The following NONO variants were observed in gnomAD, a reference collection of about 807,000 sequenced individuals.
NONO encodes the protein non-POU domain-containing octamer-binding protein.
In NONO, 6 loss-of-function variants were observed where a neutral mutation model predicts 40.2. The ratio of observed to expected loss-of-function variants is 0.15; its 90% confidence interval spans 0.08 to 0.29. NONO has a LOEUF of 0.29. Ranked by LOEUF, NONO falls within the 10% of genes least tolerant of loss-of-function variation. The probability of loss-of-function intolerance (pLI) is 1.00; values close to 1 mark genes in which losing one functional copy is unlikely to be tolerated. For missense variants in NONO, 133 were observed against 397.8 expected, an observed-to-expected ratio of 0.33 and a Z score of 5.66; for synonymous variants, 89 against 123.3, an observed-to-expected ratio of 0.72 and a Z score of 1.85.
In NONO at chrX:71,294,336, G is replaced by A. The variant is rs1477854068; in HGVS notation, c.458G>A (p.Arg153Gln). The part of the protein sequence containing the change: ...FACHSASLTV[R>Q]NLPQYVSNEL... ...TGCCATAGTGCATCCCTTACAGTTC[G>A]AAACCTTCCTCAGTATGTGTCCAAC... is the stretch of plus-strand genomic sequence containing the variant. Residue 153 changes from arginine (R) to glutamine (Q), a missense_variant, in exon 5 of 12, where the codon CGA becomes CAA. By Grantham distance (43) the Arg-to-Gln change is conservative. This residue lies in a region of NONO where 32 missense variants were observed against 206.0 expected (regional missense o/e 0.16). Transcript: ENST00000276079. 2 of 1,211,995 alleles carry A rather than the reference G, an allele frequency of 1.7e-6. No homozygotes were observed. Among genetic ancestry groups the A allele is most frequent in the East Asian group, 3.0e-5 (1 of 33,835 alleles).
rs776530967 is a variant in NONO, at chrX:71,300,011, C to T, written c.1351C>T (p.Pro451Ser). ...AGGAATTGGGGCAATTGGTGGAACT[C>T]CTCCTGCATTCAACCGTGCAGCTCC... Reference protein sequence around the residue: ...MEGIGAIGGTPPAFNRAAPGA... With the variant: ...MEGIGAIGGTSPAFNRAAPGA... The change falls in exon 12 of 12, where the codon CCT becomes TCT. Residue 451 changes from proline (P) to serine (S), a missense_variant. Physicochemically the swap from Pro to Ser is moderately conservative, Grantham distance 74. Around this residue, in one of 3 missense-constraint regions of NONO, gnomAD observed 73 missense variants for 162.2 expected, o/e 0.45. Transcript: ENST00000276079. 10 of 1,211,296 alleles carry T rather than the reference C, an allele frequency of 8.3e-6. No homozygotes were observed. The highest frequency in any genetic ancestry group is 2.2e-5 in the Admixed American group (1 of 45,966).
chrX:71,294,085 G>C (rs28540733), intron 4 of NONO, 142 bp from the exon 5 acceptor site: 2 of 618,329 alleles, frequency 3.2e-6, no homozygotes, highest in Non-Finnish European at 4.9e-6. Flanking sequence ...GAAGCACACA[G>C]TTAAGTTCTT....
chrX:71,289,196 G>T (rs1175751030), intron 2 of NONO, among the ~76,000 whole-genome samples: 1 of 112,317 alleles, frequency 8.9e-6, no homozygotes, highest in East Asian at 2.7e-4. Context: ...AGTGCAAACA[G>T]TTCTCATCCA....
At chrX:71,287,976 A>C (rs1412153454) in intron 2 of NONO, among the ~76,000 whole-genome samples, 2 of 86,658 alleles carry the variant, frequency 2.3e-5, no homozygotes, top group Non-Finnish European at 4.4e-5. Flanking sequence ...CAAAGTGCTG[A>C]GATTACAGGC....
At position 71,290,617 on chromosome X, in the gene NONO, T is replaced by C. The variant is rs776273973; in HGVS notation, c.-9-12T>C. ...TACTGAATTTATTTATTAGTCTACT[T>C]TTTCTTTGTAGGGTGCAAAAATGCA... On this transcript the variant is annotated splice_polypyrimidine_tract_variant and intron_variant, in intron 2 of 11. Transcript: ENST00000276079. 8.3e-7 allele frequency: 1 copy of C among 1,199,880 alleles called. No homozygotes were observed. The highest frequency in any genetic ancestry group is 1.1e-6 in the Non-Finnish European group (1 of 886,784).
chrX:71,291,721 G>A, intron 3 of NONO, 58 bp from the exon 4 acceptor site: 1 of 897,305 alleles, frequency 1.1e-6, no homozygotes, highest in East Asian at 3.3e-5. Context: ...AGGTCTTTGA[G>A]GATACGACTA....
chrX:71,298,317 T>C (rs1389102942), intron 9 of NONO, 152 bp from the exon 10 acceptor site: 1 of 526,561 alleles, frequency 1.9e-6, no homozygotes, highest in Non-Finnish European at 3.4e-6. Flanking sequence ...TTGAATTTGT[T>C]GCACAACTAG....
chrX:71,293,605 T>G (rs1035459231), intron 4 of NONO, among the ~76,000 whole-genome samples: 7 of 109,242 alleles, frequency 6.4e-5, no homozygotes, highest in African/African-American at 2.3e-4. Flanking sequence ...TAAAATATTC[T>G]AGGTGGTTTT....
intron 11 of NONO, among the ~76,000 whole-genome samples, chrX:71,299,173 C>T (rs1246041512): frequency 2.7e-5 from 3 of 111,963 alleles, no homozygotes; most frequent in African/African-American, 6.5e-5. Flanking sequence ...CCACCAGCCT[C>T]GGCCTCCCAA....
chrX:71,297,698 A>AGGTTTCTTTGG (rs2031483407), intron 8 of NONO, 138 bp from the exon 9 acceptor site: 2 of 520,701 alleles, frequency 3.8e-6, no homozygotes, highest in Non-Finnish European at 6.3e-6. Context: ...GGGTTGCCTC[A>AGGTTTCTTTGG]GGGCTGGGCA....
intron 3 of NONO, among the ~76,000 whole-genome samples, chrX:71,291,294 C>T (rs778434793): frequency 4.5e-4 from 50 of 111,969 alleles, no homozygotes; most frequent in Admixed American, 7.6e-4. Flanking sequence ...TAAAGAGTTG[C>T]TCTTTCCTAA....
In NONO at chrX:71,292,086, GC is replaced by G. The variant is rs2031338468; in HGVS notation, c.348+115del. On this transcript the variant is annotated intron_variant, in intron 4 of 11. Coordinates refer to ENST00000276079, the MANE Select transcript of NONO (RefSeq NM_007363.5). Reference sequence around the variant, plus strand: ...TTCTCAGATGATGTGTTCCTTGAAAGCTTGATGAAACAGAACCACAAAAATG... The same window carrying G: ...TTCTCAGATGATGTGTTCCTTGAAAGTTGATGAAACAGAACCACAAAAATG... 3.0e-5 allele frequency: 15 copies of G among 503,652 alleles called. No homozygotes were observed. In the East Asian group the frequency reaches 5.8e-4, roughly 19 times the overall value. 41.5% of individuals were successfully genotyped at this position (503,652 alleles called of 1,213,427 possible).
intron 3 of NONO, among the ~76,000 whole-genome samples, chrX:71,291,569 C>T (rs1213333757): frequency 1.8e-5 from 2 of 111,517 alleles, no homozygotes; most frequent in South Asian, 3.7e-4. Flanking sequence ...GCTTCTGGCC[C>T]GTCGTAGAGC....
Position 71,301,070 on chromosome X carries a change from GTGTAC to G in NONO, c.*998_*1002del, listed in dbSNP as rs898980611. The G allele has an allele frequency of 2.1e-5, 3 of 145,907 alleles. No individual in the cohort carries two copies. Among genetic ancestry groups the G allele is most frequent in the Non-Finnish European group, 4.1e-5 (3 of 73,869 alleles). The allele number at this position is 145,907 out of a possible 1,213,427, so 12.0% of individuals were successfully genotyped here. A position where few individuals can be genotyped will look rare whatever the true frequency, so the allele number is the denominator to read the frequency against. On this transcript the variant is annotated 3_prime_UTR_variant, in exon 12 of 12. Coordinates refer to ENST00000276079, the MANE Select transcript of NONO (RefSeq NM_007363.5). ...ATGCTGTGCATTTTTTTTTTCATTGGTGTACTGTGTTTGATTTGTCTCATATATTT... is the reference window on the plus strand; with the variant it reads ...ATGCTGTGCATTTTTTTTTTCATTGGTGTGTTTGATTTGTCTCATATATTT...
chrX:71,290,578 G>C (rs2031302194), intron 2 of NONO, 51 bp from the exon 3 acceptor site: 2 of 1,053,167 alleles, frequency 1.9e-6, no homozygotes, highest in South Asian at 3.9e-5. Flanking sequence ...GAAGGTGGCT[G>C]ATTGTGTTAT....
Position 71,301,054 on chromosome X carries a change from A to ATT in NONO, c.*987_*988dup. 1 of 139,566 alleles carries ATT rather than the reference A, an allele frequency of 7.2e-6. No homozygotes were observed. The highest frequency in any genetic ancestry group is 1.4e-5 in the Non-Finnish European group (1 of 71,049). 11.5% of individuals were successfully genotyped at this position (139,566 alleles called of 1,213,427 possible). On this transcript the variant is annotated 3_prime_UTR_variant, in exon 12 of 12. Coordinates refer to ENST00000276079, the MANE Select transcript of NONO (RefSeq NM_007363.5). ...CCTATCTTAGGTAGTCATGCTGTGC[A>ATT]TTTTTTTTTTCATTGGTGTACTGTG...
chrX:71,290,535 A>C, intron 2 of NONO, 94 bp from the exon 3 acceptor site: 1 of 680,203 alleles, frequency 1.5e-6, no homozygotes, highest in Non-Finnish European at 2.3e-6. Flanking sequence ...AAGCCAGAGC[A>C]CTTAAGGTGA....
rs368268848 is a variant in NONO at position 71,296,697 on chromosome X, C to G, written c.746+37C>G. ...TGATAGATTTCCCTATTAGGTGTTTCCTTCTTAAGAAAGCTTATAAAGGGA... is the reference window on the plus strand; with the variant it reads ...TGATAGATTTCCCTATTAGGTGTTTGCTTCTTAAGAAAGCTTATAAAGGGA... On this transcript the variant is annotated intron_variant, in intron 6 of 11. Coordinates refer to ENST00000276079, the MANE Select transcript of NONO (RefSeq NM_007363.5). The G allele has an allele frequency of 1.9e-5, 21 of 1,077,309 alleles. No homozygotes were observed. In the Middle Eastern group the frequency reaches 1.0e-3, roughly 52 times the overall value. The allele number at this position is 1,077,309 out of a possible 1,213,427, so 88.8% of individuals were successfully genotyped here.
intron 2 of NONO, among the ~76,000 whole-genome samples, chrX:71,289,377 C>CGCCTCCTGAGTTCACGCCATTCTCTT: frequency 9.4e-6 from 1 of 106,196 alleles, no homozygotes; most frequent in Admixed American, 1.0e-4. Context: ...CTGCCAGCTC[C>CGCCTCCTGAGTTCACGCCATTCTCTT]GCCTCCTGAG....
Sources: gnomAD v4.1 joint callset for allele counts (sites outside exome capture counted in the v4.1 genomes callset) on GRCh38, gnomAD v4.1.1 for gene constraint, gnomAD v4.1.1 regional missense constraint, MANE v1.5 for transcripts, NCBI Gene and HGNC (gene_info 2026-07-23, HGNC 2026-07-21) for gene names.